Variants in FA2H observed in about 807,000 individuals in gnomAD.
FA2H encodes the protein fatty acid alpha-hydroxylase.
A neutral mutation model predicts 44.9 loss-of-function variants in FA2H; 22 were observed. The ratio of observed to expected loss-of-function variants is 0.49; its 90% CI spans 0.35 to 0.70. FA2H has a LOEUF of 0.70. Ranked by LOEUF, FA2H falls within the 30% of genes least tolerant of loss-of-function variation. The pLI is 0.01. For missense variants in FA2H, 501 were observed against 504.9 expected, an observed-to-expected ratio of 0.99 and a Z score of 0.07; for synonymous variants, 243 against 213.2, an observed-to-expected ratio of 1.14 and a Z score of -1.22.
chr16:74,725,691 G>A (rs141539447), intron 4 of FA2H, among the ~76,000 whole-genome samples: 117 of 152,268 alleles, frequency 7.7e-4, no homozygotes, highest in African/African-American at 2.6e-3. Context: ...ACGTGGCCCC[G>A]CACATGGCAA....
intron 1 of FA2H, among the ~76,000 whole-genome samples, chr16:74,748,730 C>T (rs999948291): frequency 4.6e-5 from 7 of 152,014 alleles, no homozygotes; most frequent in Middle Eastern, 3.2e-3. Flanking sequence ...CAAACAAGTC[C>T]ACCATAGAGG....
intron 1 of FA2H, among the ~76,000 whole-genome samples, chr16:74,745,340 T>C (rs1359076967): frequency 6.6e-6 from 1 of 152,228 alleles, no homozygotes; most frequent in Non-Finnish European, 1.5e-5. Flanking sequence ...GGCTTGGCCC[T>C]GCCAATACTT....
In FA2H at chr16:74,716,546, C is replaced by T. The variant is rs1454104100; in HGVS notation, c.840G>A (p.Val280=). The T allele has an allele frequency of 6.2e-7, 1 of 1,606,814 alleles. No homozygotes were observed. The highest frequency in any genetic ancestry group is 1.1e-5 in the South Asian group (1 of 90,222). Residue 280 remains valine (V), a synonymous_variant, in exon 6 of 7, where the codon GTG becomes GTA. Coordinates refer to ENST00000219368, the MANE Select transcript of FA2H (RefSeq NM_024306.5). ...LVFPPVPASL[V]IGVFYLCMQL... ...GCATGCACAAGTAGAAGACGCCGATCACCAGGGAGGCTGGCACAGGGGGGA... is the reference window on the plus strand; with the variant it reads ...GCATGCACAAGTAGAAGACGCCGATTACCAGGGAGGCTGGCACAGGGGGGA...
At chr16:74,759,341 T>G (rs1278781139) in intron 1 of FA2H, among the ~76,000 whole-genome samples, 1 of 152,232 alleles carries the variant, frequency 6.6e-6, no homozygotes, top group Admixed American at 6.5e-5. Flanking sequence ...GTCTTACTGC[T>G]GAGATGGGCT....
At chr16:74,739,298 G>A (rs550819297) in intron 2 of FA2H, among the ~76,000 whole-genome samples, 16 of 152,250 alleles carry the variant, frequency 1.1e-4, no homozygotes, top group African/African-American at 3.6e-4. Context: ...GCACATTTGT[G>A]TCTGTTCCTA....
At chr16:74,727,465 C>T in intron 2 of FA2H, 79 bp from the exon 3 acceptor site, 3 of 1,463,742 alleles carry the variant, frequency 2.0e-6, no homozygotes, top group South Asian at 1.1e-5. Flanking sequence ...GTTACAGCAT[C>T]CCAATCCCCT....
At chr16:74,730,321 G>A (rs899733034) in intron 2 of FA2H, among the ~76,000 whole-genome samples, 2 of 152,066 alleles carry the variant, frequency 1.3e-5, no homozygotes, top group Non-Finnish European at 2.9e-5. Flanking sequence ...GTGGGGGTTG[G>A]GGGGTTCACT....
At chr16:74,758,373 GCCT>G (rs980040006) in intron 1 of FA2H, among the ~76,000 whole-genome samples, 1 of 151,914 alleles carries the variant, frequency 6.6e-6, no homozygotes, top group African/African-American at 2.4e-5. Context: ...GCCTGCCTCG[GCCT>G]CCTAAAATGC....
At chr16:74,767,169 C>T (rs529805601) in intron 1 of FA2H, among the ~76,000 whole-genome samples, 3 of 152,082 alleles carry the variant, frequency 2.0e-5, no homozygotes, top group South Asian at 2.1e-4. Context: ...ATTAGCTGGG[C>T]GTGGTGGTGT....
At chr16:74,767,265 T>C (rs1178655982) in intron 1 of FA2H, among the ~76,000 whole-genome samples, 1 of 151,984 alleles carries the variant, frequency 6.6e-6, no homozygotes, top group Non-Finnish European at 1.5e-5. Context: ...GCCGAGATTG[T>C]GCCATTGCAC....
chr16:74,770,004 C>A (rs764525897), intron 1 of FA2H, among the ~76,000 whole-genome samples: 1 of 152,190 alleles, frequency 6.6e-6, no homozygotes, highest in East Asian at 1.9e-4. Context: ...AAGTGGGGTG[C>A]AGGGGGAACA....
chr16:74,726,317 A>G lies in FA2H; in HGVS notation c.521T>C (p.Ile174Thr). ...LSKTVWYSVPIIWVPLVLYLS... is the reference protein window; with the variant it reads ...LSKTVWYSVPTIWVPLVLYLS... Reference sequence around the variant, plus strand: ...ATACAGCACCAGGGGCACCCAGATGATGGGGACACTGTACCTGCAGGAAGG... The same window carrying G: ...ATACAGCACCAGGGGCACCCAGATGGTGGGGACACTGTACCTGCAGGAAGG... Residue 174 changes from isoleucine (I) to threonine (T), a missense_variant, in exon 4 of 7, where the codon ATC becomes ACC. Ile to Thr is a moderately conservative substitution (Grantham distance 89). Coordinates refer to ENST00000219368, the MANE Select transcript of FA2H (RefSeq NM_024306.5). 6.2e-7 allele frequency: 1 copy of G among 1,613,252 alleles called. No individual in the cohort carries two copies. The highest frequency in any genetic ancestry group is 2.2e-5 in the East Asian group (1 of 44,876).
At chr16:74,768,690 A>C (rs1464473358) in intron 1 of FA2H, among the ~76,000 whole-genome samples, 2 of 152,118 alleles carry the variant, frequency 1.3e-5, no homozygotes, top group East Asian at 1.9e-4. Context: ...GGAAACTCCA[A>C]GTCTTTCTGC....
intron 1 of FA2H, among the ~76,000 whole-genome samples, chr16:74,772,973 T>A (rs1217207506): frequency 6.6e-6 from 1 of 151,912 alleles, no homozygotes; most frequent in African/African-American, 2.4e-5. Flanking sequence ...CCTCCACCTC[T>A]CAGGTGATCC....
chr16:74,738,007 A>C (rs1002095583), intron 2 of FA2H, among the ~76,000 whole-genome samples: 3 of 152,176 alleles, frequency 2.0e-5, no homozygotes, highest in African/African-American at 7.2e-5. Context: ...GTGAAAAGAA[A>C]AGAAAAAAGC....
intron 1 of FA2H, among the ~76,000 whole-genome samples, chr16:74,773,979 G>T (rs1021082956): frequency 1.3e-5 from 2 of 152,196 alleles, no homozygotes; most frequent in African/African-American, 4.8e-5. Context: ...GGCGGCACCA[G>T]GAAACCCAAG....
chr16:74,739,129 C>T (rs1377109369), intron 2 of FA2H, among the ~76,000 whole-genome samples: 1 of 152,186 alleles, frequency 6.6e-6, no homozygotes, highest in Non-Finnish European at 1.5e-5. Context: ...TCCCATGCCA[C>T]CTCCTGGGGT....
intron 1 of FA2H, among the ~76,000 whole-genome samples, chr16:74,747,359 G>C (rs1348382122): frequency 6.7e-6 from 1 of 150,370 alleles, no homozygotes; most frequent in Non-Finnish European, 1.5e-5. Flanking sequence ...AGAAAGAAAA[G>C]TGACAAAATC....
At chr16:74,766,643 G>A (rs1187095147) in intron 1 of FA2H, among the ~76,000 whole-genome samples, 1 of 108,548 alleles carries the variant, frequency 9.2e-6, no homozygotes, top group East Asian at 2.3e-4. Flanking sequence ...GGAAAACTAA[G>A]GGGGGGGGCT....
Sources: allele counts gnomAD v4.1 joint callset (sites outside exome capture counted in the v4.1 genomes callset), GRCh38; gene constraint gnomAD v4.1.1; transcripts MANE v1.5; gene names NCBI Gene and HGNC (gene_info 2026-07-23, HGNC 2026-07-21).